MCUB: variants seen among roughly 807,000 people sequenced by gnomAD.
MCUB encodes the protein mitochondrial calcium uniporter dominant negative subunit beta.
In MCUB, 46 loss-of-function variants were observed where a neutral mutation model predicts 41.4. That is an observed-to-expected ratio of 1.11 (90% CI 0.88 to 1.42). MCUB has a LOEUF of 1.42. Among genes scored for constraint, MCUB ranks in the 40% most tolerant of loss-of-function variants. The pLI is 0.00. For missense variants in MCUB, 403 were observed against 404.9 expected (o/e 1.00, Z 0.04); for synonymous variants, 148 against 148.2 (o/e 1.00, Z 0.01).
chr4:109,565,345 G>T (rs1726746356), intron 1 of MCUB, among the ~76,000 whole-genome samples: 1 of 152,180 alleles, frequency 6.6e-6, no homozygotes, highest in Non-Finnish European at 1.5e-5. Flanking sequence ...CACTGCATCT[G>T]CTCTGGAGAA....
chr4:109,595,789 T>G (rs2126129481), intron 1 of MCUB, among the ~76,000 whole-genome samples: 1 of 152,398 alleles, frequency 6.6e-6, no homozygotes, highest in South Asian at 2.1e-4. Context: ...GATTGTAGGG[T>G]CATCTTGACC....
intron 1 of MCUB, among the ~76,000 whole-genome samples, chr4:109,616,465 A>T (rs1442211486): frequency 1.3e-5 from 2 of 152,208 alleles, no homozygotes; most frequent in Non-Finnish European, 2.9e-5. Context: ...TACCCAACAG[A>T]ATAACCAGCT....
chr4:109,565,163 G>C (rs1253208837), intron 1 of MCUB, among the ~76,000 whole-genome samples: 2 of 152,218 alleles, frequency 1.3e-5, no homozygotes, highest in Non-Finnish European at 2.9e-5. Flanking sequence ...GATATGACCA[G>C]AGGAAAATGA....
At chr4:109,681,581 A>AG (rs1290868231) in intron 4 of MCUB, 1 of 349,194 alleles carries the variant, frequency 2.9e-6, no homozygotes, top group Non-Finnish European at 5.7e-6. Flanking sequence ...GCAGTGTTAC[A>AG]GCTCTATTAG....
chr4:109,565,317 C>T (rs1293153910), intron 1 of MCUB, among the ~76,000 whole-genome samples: 1 of 152,220 alleles, frequency 6.6e-6, no homozygotes, highest in East Asian at 1.9e-4. Context: ...CTATACGCTT[C>T]ACTGTCTGTA....
chr4:109,637,571 A>G (rs1347147331), intron 1 of MCUB, among the ~76,000 whole-genome samples: 1 of 152,268 alleles, frequency 6.6e-6, no homozygotes, highest in Non-Finnish European at 1.5e-5. Flanking sequence ...TTACTCAGCC[A>G]TAAAAAGGAA....
At chr4:109,590,610 CACTT>C (rs1229306075) in intron 1 of MCUB, among the ~76,000 whole-genome samples, 3 of 152,280 alleles carry the variant, frequency 2.0e-5, no homozygotes, top group African/African-American at 4.8e-5. Flanking sequence ...TAAAAGCAAT[CACTT>C]ACTACTGTTA....
chr4:109,672,141 C>T (rs1019654453), intron 4 of MCUB, among the ~76,000 whole-genome samples: 2 of 151,952 alleles, frequency 1.3e-5, no homozygotes, highest in Admixed American at 1.3e-4. Context: ...AGTTTCTTAG[C>T]CTCTTTTATT....
rs1729895904 is a variant in MCUB, at chr4:109,688,186, T to A, written c.*594T>A. 1 of 152,268 alleles carries A rather than the reference T, an allele frequency of 6.6e-6. No individual in the cohort carries two copies. The highest frequency in any genetic ancestry group is 2.4e-5 in the African/African-American group (1 of 41,466). The allele number at this position is 152,268 out of a possible 1,614,324, so 9.4% of individuals were successfully genotyped here. A position where few individuals can be genotyped will look rare whatever the true frequency, so the allele number is the denominator to read the frequency against. On this transcript the variant is annotated 3_prime_UTR_variant, in exon 8 of 8. Coordinates refer to ENST00000394650, the MANE Select transcript of MCUB (RefSeq NM_017918.5). Reference sequence around the variant, plus strand: ...CTTTTGAACCTGCAAATCACAAGTTTCAGGTATCGAAGCCAAAACAGTTAA... The same window carrying A: ...CTTTTGAACCTGCAAATCACAAGTTACAGGTATCGAAGCCAAAACAGTTAA...
chr4:109,623,005 A>G (rs916976736), intron 1 of MCUB, among the ~76,000 whole-genome samples: 1 of 152,158 alleles, frequency 6.6e-6, no homozygotes, highest in African/African-American at 2.4e-5. Context: ...ATGCTCATCT[A>G]TGCCTCCTGC....
intron 3 of MCUB, among the ~76,000 whole-genome samples, chr4:109,660,582 C>T (rs965216697): frequency 3.3e-5 from 5 of 152,004 alleles, no homozygotes; most frequent in African/African-American, 4.8e-5. Flanking sequence ...TTTGGGAGGC[C>T]GAGTCAGGCG....
Position 109,560,349 on chromosome 4 carries a change from G to A in MCUB, c.12G>A (p.Arg4=). The change falls in exon 1 of 8, where the codon AGG becomes AGA. Residue 4 remains arginine, a synonymous_variant. Transcript: ENST00000394650. ...CCTGGGGCGGGAGGATGCTCCAGAG[G>A]GGCCTCTGGCCGTGGCGCACGCGGC... MLQ[R]GLWPWRTRLL... The A allele has an allele frequency of 2.3e-6, 3 of 1,303,596 alleles. No individual in the cohort carries two copies. Among genetic ancestry groups the A allele is most frequent in the Admixed American group, 3.8e-5 (1 of 26,482 alleles). The allele number at this position is 1,303,596 out of a possible 1,614,324, so 80.8% of individuals were successfully genotyped here.
intron 1 of MCUB, among the ~76,000 whole-genome samples, chr4:109,638,807 C>T (rs948642826): frequency 6.6e-6 from 1 of 152,166 alleles, no homozygotes; most frequent in African/African-American, 2.4e-5. Flanking sequence ...GCATCTTCAC[C>T]AAGAGTAGAT....
chr4:109,658,128 C>T (rs1208986870), intron 1 of MCUB, among the ~76,000 whole-genome samples: 3 of 152,234 alleles, frequency 2.0e-5, no homozygotes, highest in East Asian at 1.9e-4. Context: ...GTGTCCCACC[C>T]GTACATAATT....
chr4:109,631,574 A>G (rs376415604), intron 1 of MCUB, among the ~76,000 whole-genome samples: 154 of 152,364 alleles, frequency 1.0e-3, no homozygotes, highest in Non-Finnish European at 1.9e-3. Context: ...CAGTAAGGAA[A>G]AAAAGAGGAA....
intron 3 of MCUB, among the ~76,000 whole-genome samples, chr4:109,662,817 AT>A (rs200110216): frequency 2.1e-4 from 32 of 150,320 alleles, no homozygotes; most frequent in South Asian, 6.3e-4. Flanking sequence ...TGTGTTGCTG[AT>A]TTTTTTTTTC....
rs937489138 is a variant in MCUB at position 109,629,864 on chromosome 4, A to T, written c.100-29147A>T. 1.1e-4 allele frequency among the ~76,000 whole-genome samples: 16 copies of T among 152,250 alleles called. No homozygotes were observed. In the South Asian group the frequency reaches 2.3e-3, roughly 22 times the overall value. On this transcript the variant is annotated intron_variant, in intron 1 of 7. Coordinates refer to ENST00000394650, the MANE Select transcript of MCUB (RefSeq NM_017918.5). Reference sequence around the variant, plus strand: ...TTATTATGTAGGAATGATTCATTAAACGTTTGGCCATTGGTGATCAACTTA... The same window carrying T: ...TTATTATGTAGGAATGATTCATTAATCGTTTGGCCATTGGTGATCAACTTA...
In MCUB at chr4:109,560,331, C is replaced by T; in HGVS notation, c.-7C>T. 4.0e-6 allele frequency: 5 copies of T among 1,251,012 alleles called. No homozygotes were observed. Among genetic ancestry groups the T allele is most frequent in the South Asian group, 3.0e-5 (1 of 33,624 alleles). The allele number at this position is 1,251,012 out of a possible 1,614,324, so 77.5% of individuals were successfully genotyped here. A position where few individuals can be genotyped will look rare whatever the true frequency, so the allele number is the denominator to read the frequency against. The stretch of plus-strand genomic sequence containing the variant: ...GCCTGCGGGAGCCGCGCGCCTGGGG[C>T]GGGAGGATGCTCCAGAGGGGCCTCT... On this transcript the variant is annotated 5_prime_UTR_variant, in exon 1 of 8. Transcript: ENST00000394650.
At chr4:109,600,698 C>A (rs1443527065) in intron 1 of MCUB, among the ~76,000 whole-genome samples, 1 of 152,110 alleles carries the variant, frequency 6.6e-6, no homozygotes. Flanking sequence ...CTAAACTTAG[C>A]TTTGAGAACA....
Sources: allele counts gnomAD v4.1 joint callset (sites outside exome capture counted in the v4.1 genomes callset), GRCh38; gene constraint gnomAD v4.1.1; transcripts MANE v1.5; gene names NCBI Gene and HGNC (gene_info 2026-07-23, HGNC 2026-07-21).